Variants in FAM13C observed in about 807,000 individuals in gnomAD.
FAM13C encodes protein FAM13C.
FAM13C carries 37 observed loss-of-function variants against 73.2 expected under a neutral mutation model. The ratio of observed to expected loss-of-function variants is 0.51; its 90% confidence interval spans 0.39 to 0.67. FAM13C has a LOEUF of 0.67. Ranked by LOEUF, FAM13C falls within the 30% of genes least tolerant of loss-of-function variation. The probability of loss-of-function intolerance (pLI) is 0.00; values close to 1 mark genes in which losing one functional copy is unlikely to be tolerated. For synonymous variants in FAM13C, 246 were observed against 260.9 expected, an observed-to-expected ratio of 0.94 and a Z score of 0.55; for missense variants, 589 against 715.6, an observed-to-expected ratio of 0.82 and a Z score of 2.02.
At chr10:59,319,807 A>G (rs1037808085) in intron 4 of FAM13C, among the ~76,000 whole-genome samples, 1 of 152,198 alleles carries the variant, frequency 6.6e-6, no homozygotes, top group Non-Finnish European at 1.5e-5. Flanking sequence ...CTTTAATTTT[A>G]CATGTTTTGA....
chr10:59,278,319 A>C (rs573913486), intron 6 of FAM13C, among the ~76,000 whole-genome samples: 1 of 152,302 alleles, frequency 6.6e-6, no homozygotes, highest in East Asian at 1.9e-4. Context: ...GGGGGTGATA[A>C]TGAAAACTAT....
At chr10:59,327,388 GC>G (rs1321428352) in intron 3 of FAM13C, among the ~76,000 whole-genome samples, 28 of 152,150 alleles carry the variant, frequency 1.8e-4, no homozygotes, top group Non-Finnish European at 2.8e-4. Context: ...AAATGTATTT[GC>G]CTCTATAAGA....
chr10:59,357,159 T>C (rs879723486), intron 1 of FAM13C, among the ~76,000 whole-genome samples: 2 of 152,214 alleles, frequency 1.3e-5, no homozygotes, highest in African/African-American at 4.8e-5. Flanking sequence ...CTTGTGATCA[T>C]GTGAGTCCAC....
At chr10:59,265,968 A>G (rs1399314385) in intron 8 of FAM13C, among the ~76,000 whole-genome samples, 3 of 152,218 alleles carry the variant, frequency 2.0e-5, no homozygotes, top group Non-Finnish European at 2.9e-5. Flanking sequence ...ATTTTGTTCA[A>G]TGCAATTAAA....
chr10:59,294,897 C>A (rs957822423), intron 5 of FAM13C, among the ~76,000 whole-genome samples: 2 of 152,194 alleles, frequency 1.3e-5, no homozygotes, highest in African/African-American at 4.8e-5. Context: ...AGGGGTCCAG[C>A]AGAGAGGAAA....
At chr10:59,262,287 G>T in intron 10 of FAM13C, 147 bp downstream of exon 10, 3 of 671,964 alleles carry the variant, frequency 4.5e-6, no homozygotes, top group Non-Finnish European at 7.5e-6. Flanking sequence ...CTCGTGGCCA[G>T]TAACCTGTCA....
intron 5 of FAM13C, among the ~76,000 whole-genome samples, chr10:59,285,847 C>G (rs1355337762): frequency 6.6e-6 from 1 of 152,200 alleles, no homozygotes; most frequent in Non-Finnish European, 1.5e-5. Flanking sequence ...AGGCAGCTGT[C>G]TGCAAGACAA....
chr10:59,361,599 C>T (rs1856422701), intron 1 of FAM13C, among the ~76,000 whole-genome samples: 1 of 149,186 alleles, frequency 6.7e-6, no homozygotes, highest in South Asian at 2.1e-4. Context: ...AGATGAAGTA[C>T]ATATTCATAT....
chr10:59,262,921 G>T (rs889234944), intron 9 of FAM13C, among the ~76,000 whole-genome samples: 2 of 152,134 alleles, frequency 1.3e-5, no homozygotes, highest in African/African-American at 2.4e-5. Context: ...GGAAGAGTTT[G>T]CAGGAAAACC....
At chr10:59,328,213 A>T (rs1010349343) in intron 3 of FAM13C, among the ~76,000 whole-genome samples, 16 of 152,220 alleles carry the variant, frequency 1.1e-4, no homozygotes, top group African/African-American at 3.9e-4. Flanking sequence ...AATTTAGGCT[A>T]TTTATCTCAT....
At chr10:59,299,011 G>C (rs1847249761) in intron 5 of FAM13C, among the ~76,000 whole-genome samples, 1 of 152,062 alleles carries the variant, frequency 6.6e-6, no homozygotes, top group African/African-American at 2.4e-5. Flanking sequence ...TGGGTATAAA[G>C]TTTCAGTTAG....
Position 59,293,240 on chromosome 10 carries a change from A to T in FAM13C, c.507+9561T>A, listed in dbSNP as rs1180580877. 6.0e-5 allele frequency among the ~76,000 whole-genome samples: 9 copies of T among 149,732 alleles called. No individual in the cohort carries two copies. The South Asian group carries it at 6.4e-4, about 11-fold the overall frequency. ...AGGCGCCCACCACCATGCCCAGCTA[A>T]TTTTTTTTTGTATTTTTAGTAGAGA... is the stretch of plus-strand genomic sequence containing the variant. On this transcript the variant is annotated intron_variant, in intron 5 of 13. Coordinates refer to ENST00000618804, the MANE Select transcript of FAM13C (RefSeq NM_198215.4).
At chr10:59,341,451 G>T (rs1039144061) in intron 3 of FAM13C, among the ~76,000 whole-genome samples, 1 of 152,132 alleles carries the variant, frequency 6.6e-6, no homozygotes, top group African/African-American at 2.4e-5. Flanking sequence ...ACTTTGAGAG[G>T]CCGAGGCGGG....
intron 4 of FAM13C, among the ~76,000 whole-genome samples, chr10:59,321,544 G>A (rs1201528877): frequency 6.8e-6 from 1 of 146,660 alleles, no homozygotes; most frequent in African/African-American, 2.5e-5. Flanking sequence ...TTTGTGGTCA[G>A]TTATTACAGT....
intron 6 of FAM13C, among the ~76,000 whole-genome samples, chr10:59,281,949 A>C (rs945457442): frequency 2.0e-5 from 3 of 152,232 alleles, no homozygotes; most frequent in African/African-American, 4.8e-5. Flanking sequence ...GTCTGTTTGC[A>C]GGGAGTGGAA....
At chr10:59,254,576 C>CAGTT in intron 10 of FAM13C, 133 bp from the exon 11 acceptor site, 1 of 220,088 alleles carries the variant, frequency 4.5e-6, no homozygotes, top group Non-Finnish European at 8.6e-6. Context: ...AAAGGAAAGT[C>CAGTT]ATTTATTTAT....
intron 3 of FAM13C, among the ~76,000 whole-genome samples, chr10:59,341,332 A>G (rs1315847141): frequency 6.6e-6 from 1 of 152,162 alleles, no homozygotes; most frequent in Non-Finnish European, 1.5e-5. Flanking sequence ...CCAAGCAATC[A>G]TAATATTGTA....
chr10:59,322,021 A>G (rs531778823), intron 4 of FAM13C, among the ~76,000 whole-genome samples: 390 of 152,292 alleles, frequency 2.6e-3, no homozygotes, highest in Non-Finnish European at 4.1e-3. Flanking sequence ...GTCCCATTAC[A>G]GTATCATGTC....
chr10:59,344,940 T>C (rs2134207177), intron 3 of FAM13C, among the ~76,000 whole-genome samples: 1 of 152,314 alleles, frequency 6.6e-6, no homozygotes, highest in Middle Eastern at 3.4e-3. Flanking sequence ...TGGACGCTCT[T>C]CTTCTCTCTA....
Sources: gnomAD v4.1 joint callset for allele counts (sites outside exome capture counted in the v4.1 genomes callset) on GRCh38, gnomAD v4.1.1 for gene constraint, MANE v1.5 for transcripts, NCBI Gene and HGNC (gene_info 2026-07-23, HGNC 2026-07-21) for gene names.